APBB1IP: variants seen among roughly 807,000 people sequenced by gnomAD.
APBB1IP encodes the protein amyloid beta precursor protein binding family B member 1 interacting protein, also known as amyloid beta A4 precursor protein-binding family B member 1-interacting protein.
In APBB1IP, 27 loss-of-function variants were observed where a neutral mutation model predicts 64.9. That is an observed-to-expected ratio of 0.42 (90% confidence interval 0.31 to 0.57). The LOEUF (loss-of-function observed/expected upper bound fraction) is 0.57. Among genes scored for constraint, APBB1IP ranks in the 20% least tolerant of loss-of-function variants. The pLI is 0.20. For synonymous variants in APBB1IP, 392 were observed against 331.0 expected (o/e 1.18, Z -2.00); for missense variants, 812 against 845.5 (o/e 0.96, Z 0.49).
chr10:26,544,987 C>T (rs1836741966), intron 11 of APBB1IP, among the ~76,000 whole-genome samples: 1 of 152,154 alleles, frequency 6.6e-6, no homozygotes, highest in Non-Finnish European at 1.5e-5. Flanking sequence ...CATGAGCAAC[C>T]CTTGCAGAAT....
At chr10:26,457,993 TA>T (rs1355829891) in intron 2 of APBB1IP, among the ~76,000 whole-genome samples, 1 of 152,226 alleles carries the variant, frequency 6.6e-6, no homozygotes, top group Non-Finnish European at 1.5e-5. Flanking sequence ...GAAATCTGGA[TA>T]TTTTTATGGC....
In APBB1IP at chr10:26,524,132, C is replaced by T. The variant is rs11015151; in HGVS notation, c.814-9307C>T. On this transcript the variant is annotated intron_variant, in intron 8 of 14. Coordinates refer to ENST00000376236, the MANE Select transcript of APBB1IP (RefSeq NM_019043.4). ...TTCTCCCACCCTCCTTTCTCCTTCC[C>T]GCATTTATCCCCTGAAGCAGATTAT... Among the ~76,000 whole-genome samples the T allele has an allele frequency of 5.7e-4, 87 of 152,144 alleles. 1 individual carries two copies. The East Asian group carries it at 0.012, about 22-fold the overall frequency.
Position 26,567,116 on chromosome 10 carries a change from C to T in APBB1IP, c.1629C>T (p.Gly543=). 1.4e-6 allele frequency: 2 copies of T among 1,427,174 alleles called. No homozygotes were observed. The highest frequency in any genetic ancestry group is 1.4e-5 in the South Asian group (1 of 69,990). The allele number at this position is 1,427,174 out of a possible 1,614,324, so 88.4% of individuals were successfully genotyped here. The change falls in exon 15 of 15, where the codon GGC becomes GGT. Residue 543 remains glycine (G), a synonymous_variant. Coordinates refer to ENST00000376236, the MANE Select transcript of APBB1IP (RefSeq NM_019043.4). The part of the protein sequence containing the change: ...ATPLKAKGTG[G]GGLPAPPDDF... ...CCCTCAAGGCCAAGGGCACAGGCGGCGGGGGCTTGCCCGCCCCACCCGACG... is the reference window on the plus strand; with the variant it reads ...CCCTCAAGGCCAAGGGCACAGGCGGTGGGGGCTTGCCCGCCCCACCCGACG...
intron 8 of APBB1IP, among the ~76,000 whole-genome samples, chr10:26,532,260 C>T (rs886226669): frequency 2.0e-5 from 3 of 152,124 alleles, no homozygotes; most frequent in Non-Finnish European, 4.4e-5. Context: ...ATCCTCAGCA[C>T]TCTATGACAG....
chr10:26,534,005 G>A (rs1836587396), intron 9 of APBB1IP, among the ~76,000 whole-genome samples: 1 of 151,804 alleles, frequency 6.6e-6, no homozygotes, highest in African/African-American at 2.4e-5. Context: ...ATTCCGAATT[G>A]TATTGAATTA....
chr10:26,524,727 A>G (rs990118365), intron 8 of APBB1IP, among the ~76,000 whole-genome samples: 8 of 152,158 alleles, frequency 5.3e-5, no homozygotes, highest in Non-Finnish European at 1.0e-4. Context: ...ACTTGAAGTC[A>G]ACAGAAAGGA....
chr10:26,496,007 T>C (rs1206013950), intron 3 of APBB1IP, among the ~76,000 whole-genome samples: 1 of 145,830 alleles, frequency 6.9e-6, no homozygotes, highest in Admixed American at 7.0e-5. Flanking sequence ...ATATATAGTG[T>C]GTGTGTTCAC....
chr10:26,442,270 G>T (rs1835346350), intron 2 of APBB1IP, among the ~76,000 whole-genome samples: 1 of 152,194 alleles, frequency 6.6e-6, no homozygotes, highest in African/African-American at 2.4e-5. Context: ...AATCAACTTT[G>T]AAGTTATTAT....
chr10:26,560,739 A>G lies in APBB1IP; in HGVS notation c.1264A>G (p.Thr422Ala), dbSNP rs1836956870. The G allele has an allele frequency of 3.8e-6, 6 of 1,579,910 alleles. No individual in the cohort carries two copies. The highest frequency in any genetic ancestry group is 4.3e-6 in the Non-Finnish European group (5 of 1,163,930). Residue 422 changes from threonine to alanine, a missense_variant, in exon 13 of 15, where the codon ACT becomes GCT. By Grantham distance (58) the Thr-to-Ala change is moderately conservative. Transcript: ENST00000376236. The stretch of plus-strand genomic sequence containing the variant: ...TGTGTTCTCTCCCCAGTATGGGAAG[A>G]CTCTCTATGATAACTACCAGCGGGC... The part of the protein sequence containing the change: ...MGIRIAKYGK[T>A]LYDNYQRAVA...
At chr10:26,449,061 G>A (rs541942529) in intron 2 of APBB1IP, among the ~76,000 whole-genome samples, 9 of 152,306 alleles carry the variant, frequency 5.9e-5, no homozygotes, top group Admixed American at 2.6e-4. Context: ...TTGGAGATGC[G>A]TAGGATATGA....
chr10:26,528,052 A>G (rs1419401864), intron 8 of APBB1IP, among the ~76,000 whole-genome samples: 2 of 152,130 alleles, frequency 1.3e-5, no homozygotes, highest in African/African-American at 2.4e-5. Flanking sequence ...CCCACGGTCA[A>G]TGGGAAGAGT....
rs563762045 is a variant in APBB1IP at position 26,438,419 on chromosome 10, A to C, written c.-239A>C. The C allele has an allele frequency of 7.9e-5, 12 of 152,246 alleles. No homozygotes were observed. The East Asian group carries it at 2.3e-3, about 29-fold the overall frequency. The allele number at this position is 152,246 out of a possible 1,614,324, so 9.4% of individuals were successfully genotyped here. A position where few individuals can be genotyped will look rare whatever the true frequency, so the allele number is the denominator to read the frequency against. On this transcript the variant is annotated 5_prime_UTR_variant, in exon 1 of 15. Transcript: ENST00000376236. ...AGGCTGCAAAATGGTTCCATTCGCC[A>C]GGAGACGCTCCTGAGAGAAGGGCGC...
At chr10:26,560,629 G>C in intron 12 of APBB1IP, 101 bp from the exon 13 acceptor site, 1 of 749,176 alleles carries the variant, frequency 1.3e-6, no homozygotes, top group Non-Finnish European at 2.1e-6. Context: ...GAACAGAGTA[G>C]CCGTGGAGTA....
chr10:26,454,621 A>C (rs2132401464), intron 2 of APBB1IP, among the ~76,000 whole-genome samples: 1 of 152,336 alleles, frequency 6.6e-6, no homozygotes, highest in African/African-American at 2.4e-5. Context: ...GTCCAAAAAA[A>C]CCAGAAAGAA....
chr10:26,469,685 G>A (rs1835693438), intron 2 of APBB1IP, among the ~76,000 whole-genome samples: 1 of 152,100 alleles, frequency 6.6e-6, no homozygotes, highest in African/African-American at 2.4e-5. Flanking sequence ...TTGTGGTACA[G>A]ATGATCCCAT....
At chr10:26,478,145 G>A (rs1407075386) in intron 2 of APBB1IP, among the ~76,000 whole-genome samples, 2 of 152,204 alleles carry the variant, frequency 1.3e-5, no homozygotes, top group Non-Finnish European at 2.9e-5. Flanking sequence ...TTTGAAATAG[G>A]TCAGGGCTCA....
intron 7 of APBB1IP, among the ~76,000 whole-genome samples, 159 bp downstream of exon 7, chr10:26,512,065 A>G (rs1358112014): frequency 1.3e-5 from 2 of 152,206 alleles, no homozygotes; most frequent in Admixed American, 6.5e-5. Context: ...CCTGTGCTCA[A>G]GCGATCCTCC....
At chr10:26,442,915 T>C (rs899055672) in intron 2 of APBB1IP, among the ~76,000 whole-genome samples, 1 of 152,130 alleles carries the variant, frequency 6.6e-6, no homozygotes, top group Non-Finnish European at 1.5e-5. Context: ...CAAAGAACAC[T>C]GGCATGGCAG....
intron 3 of APBB1IP, 45 bp from the exon 4 acceptor site, chr10:26,496,259 T>C: frequency 7.0e-7 from 1 of 1,424,074 alleles, no homozygotes; most frequent in South Asian, 1.2e-5. Context: ...GCTACAGAAA[T>C]GTTTGTATCA....
Sources: allele counts gnomAD v4.1 joint callset (sites outside exome capture counted in the v4.1 genomes callset), GRCh38; gene constraint gnomAD v4.1.1; transcripts MANE v1.5; gene names NCBI Gene and HGNC (gene_info 2026-07-23, HGNC 2026-07-21).